SLC24A2: variants seen among roughly 807,000 people sequenced by gnomAD.
SLC24A2 encodes sodium/potassium/calcium exchanger 2.
Under a neutral mutation model 62.0 loss-of-function variants are expected in SLC24A2, and 36 were observed. The observed-to-expected ratio is 0.58, with a 90% CI of 0.44 to 0.77. The LOEUF (loss-of-function observed/expected upper bound fraction) is 0.77. Ranked by LOEUF, SLC24A2 falls within the 30% of genes least tolerant of loss-of-function variation. SLC24A2 has a pLI of 0.00. For missense variants in SLC24A2, 846 were observed against 817.9 expected, an observed-to-expected ratio of 1.03 and a Z score of -0.42; for synonymous variants, 358 against 294.0, an observed-to-expected ratio of 1.22 and a Z score of -2.23.
intron 4 of SLC24A2, among the ~76,000 whole-genome samples, chr9:19,618,168 C>G (rs1446252584): frequency 6.6e-6 from 1 of 152,042 alleles, no homozygotes; most frequent in Non-Finnish European, 1.5e-5. Context: ...CTAGAGAGAC[C>G]CTAACTTGCC....
At chr9:19,717,184 C>G (rs150504427) in intron 2 of SLC24A2, among the ~76,000 whole-genome samples, 47 of 152,286 alleles carry the variant, frequency 3.1e-4, no homozygotes, top group African/African-American at 1.1e-3. Context: ...GACTAGCATC[C>G]TGGAAAACAG....
intron 7 of SLC24A2, among the ~76,000 whole-genome samples, chr9:19,552,327 T>A (rs746686589): frequency 6.6e-6 from 1 of 152,202 alleles, no homozygotes; most frequent in South Asian, 2.1e-4. Flanking sequence ...ATAATCTTTG[T>A]GTCATGGGGC....
chr9:19,670,033 C>A (rs1330357341), intron 2 of SLC24A2, among the ~76,000 whole-genome samples: 1 of 152,174 alleles, frequency 6.6e-6, no homozygotes, highest in Non-Finnish European at 1.5e-5. Context: ...GAATAGCCTG[C>A]ATTTAGAGAG....
intron 2 of SLC24A2, among the ~76,000 whole-genome samples, chr9:19,774,909 A>G (rs1469853245): frequency 1.3e-5 from 2 of 152,244 alleles, no homozygotes; most frequent in Non-Finnish European, 2.9e-5. Flanking sequence ...ACAAGCAAGT[A>G]TACTTGTTTC....
chr9:20,158,521 C>T, the SLC24A2 span, among the ~76,000 whole-genome samples: 1 of 151,648 alleles, frequency 6.6e-6, no homozygotes, highest in Non-Finnish European at 1.5e-5. Context: ...AGACATCAAA[C>T]TTGCAACTTC....
intron 1 of SLC24A2, 112 bp downstream of exon 1, chr9:19,788,773 G>A: frequency 3.0e-6 from 3 of 985,426 alleles, no homozygotes; most frequent in Non-Finnish European, 3.6e-6. Flanking sequence ...CACATCCACG[G>A]CAGAGCCACC....
At chr9:19,535,518 T>C (rs549546825) in intron 8 of SLC24A2, among the ~76,000 whole-genome samples, 1 of 152,246 alleles carries the variant, frequency 6.6e-6, no homozygotes, top group Admixed American at 6.5e-5. Flanking sequence ...CCATCTTGAG[T>C]TAATTTTTGT....
At chr9:20,273,363 G>A in the SLC24A2 span, among the ~76,000 whole-genome samples, 2,365 of 152,238 alleles carry the variant, frequency 0.016, 67 homozygotes, top group African/African-American at 0.054. Context: ...GAGATGCCAA[G>A]AAGAATCTTA....
the SLC24A2 span, among the ~76,000 whole-genome samples, chr9:19,861,392 C>T: frequency 6.6e-6 from 1 of 152,192 alleles, no homozygotes; most frequent in Admixed American, 6.5e-5. Flanking sequence ...GCTTGGGGTC[C>T]ACCCTAAATC....
intron 2 of SLC24A2, among the ~76,000 whole-genome samples, chr9:19,656,462 T>G (rs1366987428): frequency 1.3e-5 from 2 of 152,184 alleles, no homozygotes; most frequent in Admixed American, 1.3e-4. Context: ...ATGTCTCACT[T>G]TCCATCCCAA....
chr9:19,822,371 G>C, the SLC24A2 span, among the ~76,000 whole-genome samples: 1 of 152,046 alleles, frequency 6.6e-6, no homozygotes, highest in African/African-American at 2.4e-5. Flanking sequence ...ATTGATGATA[G>C]GAATCTTTTC....
chr9:19,875,890 G>C, the SLC24A2 span, among the ~76,000 whole-genome samples: 1 of 152,068 alleles, frequency 6.6e-6, no homozygotes, highest in East Asian at 1.9e-4. Context: ...CATTTCCAAG[G>C]CACATGGATT....
At chr9:20,007,307 G>C in the SLC24A2 span, among the ~76,000 whole-genome samples, 4 of 152,116 alleles carry the variant, frequency 2.6e-5, no homozygotes, top group African/African-American at 9.7e-5. Context: ...AGTGGCTGCT[G>C]GTAATGCTGG....
intron 3 of SLC24A2, among the ~76,000 whole-genome samples, chr9:19,621,494 A>T (rs535242398): frequency 6.6e-5 from 10 of 152,232 alleles, no homozygotes; most frequent in Non-Finnish European, 1.0e-4. Flanking sequence ...GCATTGTATT[A>T]TTAGTTATAG....
At chr9:19,819,805 A>G in the SLC24A2 span, among the ~76,000 whole-genome samples, 1 of 151,782 alleles carries the variant, frequency 6.6e-6, no homozygotes, top group African/African-American at 2.4e-5. Flanking sequence ...GAGATTCCTC[A>G]AAGAACTAAA....
At chr9:20,306,692 CT>C in the SLC24A2 span, among the ~76,000 whole-genome samples, 3 of 152,044 alleles carry the variant, frequency 2.0e-5, no homozygotes, top group Non-Finnish European at 4.4e-5. Context: ...ATGTTATTTT[CT>C]TTTTTTGTTT....
intron 2 of SLC24A2, among the ~76,000 whole-genome samples, chr9:19,700,395 T>C (rs968199393): frequency 9.2e-5 from 14 of 152,336 alleles, no homozygotes; most frequent in Non-Finnish European, 1.5e-4. Context: ...TGCTCTGGCA[T>C]CAGCACTTTC....
the SLC24A2 span, among the ~76,000 whole-genome samples, chr9:20,080,572 G>T: frequency 6.6e-6 from 1 of 152,206 alleles, no homozygotes; most frequent in South Asian, 2.1e-4. Flanking sequence ...CATGGGCAAG[G>T]ACTTCTTGTC....
chr9:20,260,827 A>G, the SLC24A2 span, among the ~76,000 whole-genome samples: 1 of 144,470 alleles, frequency 6.9e-6, no homozygotes, highest in Non-Finnish European at 1.5e-5. Context: ...CCGAGTCCCC[A>G]AAGTCCAACG....
Sources: gnomAD v4.1 joint callset for allele counts (sites outside exome capture counted in the v4.1 genomes callset) on GRCh38, gnomAD v4.1.1 for gene constraint, MANE v1.5 for transcripts, NCBI Gene and HGNC (gene_info 2026-07-23, HGNC 2026-07-21) for gene names.